Variants in ZBTB11 observed in about 807,000 individuals in gnomAD.
ZBTB11 encodes zinc finger and BTB domain containing 11.
In ZBTB11, 68 loss-of-function variants were observed where a neutral mutation model predicts 113.1. The ratio of observed to expected loss-of-function variants is 0.60; its 90% CI spans 0.49 to 0.74. The LOEUF is 0.74. Among genes scored for constraint, ZBTB11 ranks in the 30% least tolerant of loss-of-function variants. The pLI, the probability that ZBTB11 is intolerant of heterozygous loss-of-function variation, is 0.00. For missense variants in ZBTB11, 1,104 were observed against 1,279.4 expected, an observed-to-expected ratio of 0.86 and a Z score of 2.09; for synonymous variants, 518 against 452.6, an observed-to-expected ratio of 1.14 and a Z score of -1.83.
rs763012001 is a variant in ZBTB11, at chr3:101,652,481, ATAAAG to A, written c.2644+10_2644+14del. 5.3e-4 allele frequency: 847 copies of A among 1,610,674 alleles called. 1 individual carries two copies. The highest frequency in any genetic ancestry group is 5.5e-4 in the Non-Finnish European group (649 of 1,178,340). On this transcript the variant is annotated intron_variant, in intron 10 of 10. Coordinates refer to ENST00000312938, the MANE Select transcript of ZBTB11 (RefSeq NM_014415.4). ...TTTATTCTATAAGGATACATATAAT[ATAAAG>A]TATAGTTACCTTCATGGTTGTTCAT...
chr3:101,662,401 G>C (rs1353364595), intron 5 of ZBTB11, among the ~76,000 whole-genome samples: 1 of 152,176 alleles, frequency 6.6e-6, no homozygotes, highest in Non-Finnish European at 1.5e-5. Flanking sequence ...GAGGCAGGCA[G>C]ATCACCTGAG....
intron 3 of ZBTB11, chr3:101,670,880 GT>G (rs1937076148): frequency 2.3e-6 from 1 of 430,618 alleles, no homozygotes; most frequent in Non-Finnish European, 4.2e-6. Context: ...GTTTTTAACA[GT>G]TTAAATCCTA....
At chr3:101,668,706 T>A (rs1937036052) in intron 3 of ZBTB11, among the ~76,000 whole-genome samples, 1 of 152,068 alleles carries the variant, frequency 6.6e-6, no homozygotes, top group Admixed American at 6.5e-5. Context: ...TATATCCTAA[T>A]TACCCTCATT....
At chr3:101,676,390 A>C in intron 1 of ZBTB11, 2 of 464,126 alleles carry the variant, frequency 4.3e-6, no homozygotes, top group Non-Finnish European at 7.2e-6. Context: ...GGTCCCACCC[A>C]GGGCCAGGGC....
chr3:101,667,425 T>C (rs1201381371), intron 3 of ZBTB11, among the ~76,000 whole-genome samples: 2 of 152,226 alleles, frequency 1.3e-5, no homozygotes, highest in Non-Finnish European at 2.9e-5. Flanking sequence ...AATACAATAA[T>C]TTATCTTAGA....
intron 3 of ZBTB11, 47 bp downstream of exon 3, chr3:101,671,083 T>C (rs769915302): frequency 7.3e-6 from 11 of 1,514,050 alleles, no homozygotes; most frequent in South Asian, 5.8e-5. Context: ...CCCCCTCTTC[T>C]AGAATGTCAT....
rs779724591 is a variant in ZBTB11 at position 101,665,633 on chromosome 3, T to G, written c.954A>C (p.Val318=). 5 of 1,614,240 alleles carry G rather than the reference T, an allele frequency of 3.1e-6. No homozygotes were observed. The highest frequency in any genetic ancestry group is 4.2e-6 in the Non-Finnish European group (5 of 1,180,034). ...HKLMEEKQLT[V]YKKGEVQTVA... is the part of the protein sequence containing the mutation. The stretch of plus-strand genomic sequence containing the variant: ...CTGTTTGTACTTCGCCCTTCTTATA[T>G]ACTGTTAGCTGCTTCTCTTCCATTA... The change falls in exon 4 of 11, where the codon GTA becomes GTC. Residue 318 remains valine (V), a synonymous_variant. Coordinates refer to ENST00000312938, the MANE Select transcript of ZBTB11 (RefSeq NM_014415.4).
chr3:101,657,297 G>GGACT (rs1476772264), intron 6 of ZBTB11, among the ~76,000 whole-genome samples: 1 of 152,074 alleles, frequency 6.6e-6, no homozygotes, highest in African/African-American at 2.4e-5. Flanking sequence ...TCTGAGCTCA[G>GGACT]GAGTTCGAGA....
chr3:101,654,288 G>A (rs1002034122), intron 8 of ZBTB11, among the ~76,000 whole-genome samples: 3 of 152,142 alleles, frequency 2.0e-5, no homozygotes, highest in South Asian at 2.1e-4. Context: ...TGATCTGCCC[G>A]CCTTGGCCTC....
chr3:101,663,546 T>A (rs1187178284), intron 5 of ZBTB11, among the ~76,000 whole-genome samples: 3 of 152,322 alleles, frequency 2.0e-5, no homozygotes, highest in South Asian at 4.1e-4. Flanking sequence ...TTCAGATTTT[T>A]CATCTCTGAG....
intron 10 of ZBTB11, among the ~76,000 whole-genome samples, 172 bp from the exon 11 acceptor site, chr3:101,651,855 C>T (rs964326362): frequency 1.6e-4 from 24 of 152,116 alleles, no homozygotes; most frequent in African/African-American, 2.7e-4. Context: ...GATTCTTTGC[C>T]GGGCACGGTG....
intron 3 of ZBTB11, among the ~76,000 whole-genome samples, chr3:101,668,390 C>G (rs1937030136): frequency 6.6e-6 from 1 of 152,022 alleles, no homozygotes; most frequent in Non-Finnish European, 1.5e-5. Flanking sequence ...AATATCAGTG[C>G]TTTGAGAGGG....
rs1936688541 is a variant in ZBTB11 at position 101,650,833 on chromosome 3, G to A, written c.*333C>T. The A allele has an allele frequency of 5.8e-6, 1 of 171,030 alleles. No individual in the cohort carries two copies. The highest frequency in any genetic ancestry group is 1.2e-5 in the Non-Finnish European group (1 of 81,050). The allele number at this position is 171,030 out of a possible 1,614,324, so 10.6% of individuals were successfully genotyped here. ...ATGTATAATAAAGTAATGTCAAAATGCAAATGAAACTGTACGGTTTTAAAT... is the reference window on the plus strand; with the variant it reads ...ATGTATAATAAAGTAATGTCAAAATACAAATGAAACTGTACGGTTTTAAAT... On this transcript the variant is annotated 3_prime_UTR_variant, in exon 11 of 11. Transcript: ENST00000312938.
At chr3:101,660,980 C>T (rs1354399832) in intron 5 of ZBTB11, among the ~76,000 whole-genome samples, 1 of 151,466 alleles carries the variant, frequency 6.6e-6, no homozygotes, top group Non-Finnish European at 1.5e-5. Context: ...CGTCTGGAAC[C>T]CCAGCATTTG....
intron 10 of ZBTB11, 49 bp from the exon 11 acceptor site, chr3:101,651,732 ATATACT>A (rs1405586323): frequency 6.7e-6 from 10 of 1,487,836 alleles, no homozygotes; most frequent in South Asian, 5.7e-5. Context: ...AAGCACCAAA[ATATACT>A]TAAACTGCCT....
intron 8 of ZBTB11, 30 bp from the exon 9 acceptor site, chr3:101,652,968 TA>T: frequency 6.3e-7 from 1 of 1,594,216 alleles, no homozygotes; most frequent in Non-Finnish European, 8.5e-7. Flanking sequence ...CCCAATTGGA[TA>T]ATCTTATTCC....
At chr3:101,675,988 T>G (rs1486062711) in intron 1 of ZBTB11, among the ~76,000 whole-genome samples, 1 of 152,150 alleles carries the variant, frequency 6.6e-6, no homozygotes, top group Non-Finnish European at 1.5e-5. Flanking sequence ...CTTTTACATT[T>G]ACTTCTTGTT....
chr3:101,653,779 A>G (rs926253615), intron 8 of ZBTB11, among the ~76,000 whole-genome samples: 3 of 152,210 alleles, frequency 2.0e-5, no homozygotes, highest in Non-Finnish European at 2.9e-5. Flanking sequence ...AAAAGCTTAT[A>G]GTGACTAGGC....
At chr3:101,653,244 C>T (rs1936734710) in intron 8 of ZBTB11, among the ~76,000 whole-genome samples, 1 of 152,142 alleles carries the variant, frequency 6.6e-6, no homozygotes, top group South Asian at 2.1e-4. Flanking sequence ...ATTCTTAGTC[C>T]ATGTGTTGAG....
Sources: allele counts gnomAD v4.1 joint callset (sites outside exome capture counted in the v4.1 genomes callset), GRCh38; gene constraint gnomAD v4.1.1; transcripts MANE v1.5; gene names NCBI Gene and HGNC (gene_info 2026-07-23, HGNC 2026-07-21).